The following RNF213 variants were observed in gnomAD, a reference collection of about 807,000 sequenced individuals.
RNF213 encodes ring finger protein 213, also known as E3 ubiquitin-protein ligase RNF213.
Under a neutral mutation model 514.4 loss-of-function variants are expected in RNF213, and 341 were observed. That is an observed-to-expected ratio of 0.66 (90% CI 0.61 to 0.73). The LOEUF is 0.73. RNF213 is among the 30% of genes least tolerant of loss of function. The pLI is 0.00. For missense variants in RNF213, 5,767 were observed against 6,615.6 expected, an observed-to-expected ratio of 0.87 and a Z score of 4.45; for synonymous variants, 2,655 against 2,658.2, an observed-to-expected ratio of 1.00 and a Z score of 0.04.
rs1282630958 is a variant in RNF213 at position 80,295,601 on chromosome 17, A to T, written c.1800A>T (p.Pro600=). Residue 600 remains proline, a synonymous_variant, in exon 10 of 68, where the codon CCA becomes CCT. Transcript: ENST00000582970. ...AACATCTGAAAAAACACGTGGTACC[A>T]TTGCCGGACGGAAAAAGCACGGACT... ...LWQHLKKHVV[P]LPDGKSTDFL... The T allele has an allele frequency of 1.9e-6, 3 of 1,614,202 alleles. No homozygotes were observed. The highest frequency in any genetic ancestry group is 1.7e-6 in the Non-Finnish European group (2 of 1,180,036).
At chr17:80,272,836 G>A (rs2043869883) in intron 2 of RNF213, among the ~76,000 whole-genome samples, 1 of 152,174 alleles carries the variant, frequency 6.6e-6, no homozygotes, top group Non-Finnish European at 1.5e-5. Flanking sequence ...AGACCCCTGG[G>A]CCGCCACTGG....
chr17:80,277,804 G>A (rs748901672), intron 3 of RNF213, among the ~76,000 whole-genome samples: 3 of 152,160 alleles, frequency 2.0e-5, no homozygotes, highest in Admixed American at 6.5e-5. Context: ...CGCAGACGCC[G>A]CATTCTAACC....
intron 41 of RNF213, 138 bp from the exon 42 acceptor site, chr17:80,364,295 A>G: frequency 8.4e-7 from 1 of 1,183,910 alleles, no homozygotes; most frequent in South Asian, 1.3e-5. Context: ...AGTATGTCAC[A>G]TAGGGCTTGC....
rs958992141 is a variant in RNF213 at position 80,372,384 on chromosome 17, C to T, written c.12538-137C>T. The T allele has an allele frequency of 4.3e-6, 3 of 696,784 alleles. No homozygotes were observed. In the East Asian group the frequency reaches 8.1e-5, roughly 19 times the overall value. The allele number at this position is 696,784 out of a possible 1,614,324, so 43.2% of individuals were successfully genotyped here. ...AAAGGAATGTTAGGTTTCCATAAGT[C>T]AAGAAATTTACACTGAAACCTACAG... On this transcript the variant is annotated intron_variant, in intron 47 of 67. Coordinates refer to ENST00000582970, the MANE Select transcript of RNF213 (RefSeq NM_001256071.3).
chr17:80,282,544 G>A (rs1218730685), intron 3 of RNF213, among the ~76,000 whole-genome samples: 2 of 151,776 alleles, frequency 1.3e-5, no homozygotes, highest in Admixed American at 1.3e-4. Flanking sequence ...GACTACAGGC[G>A]CCCACCACCA....
At chr17:80,329,703 T>C (rs541613352) in intron 20 of RNF213, among the ~76,000 whole-genome samples, 6 of 152,170 alleles carry the variant, frequency 3.9e-5, no homozygotes, top group South Asian at 4.2e-4. Flanking sequence ...CGGTGGTGCA[T>C]GCCTGTATTC....
In RNF213 at chr17:80,361,801, T is replaced by G. The variant is rs369215015; in HGVS notation, c.11268T>G (p.His3756Gln). Residue 3756 changes from histidine (H) to glutamine (Q), a missense_variant, in exon 39 of 68, where the codon CAT becomes CAG. By Grantham distance (24) the His-to-Gln change is conservative (BLOSUM62 0). Transcript: ENST00000582970. The stretch of plus-strand genomic sequence containing the variant: ...TGGGCAGGTTTCTTGCCCAGCTCCA[T>G]GGAGAGCCGCAGCAGGAACTTCTTC... ...TPLGRFLAQLHGEPQQELLQC... is the reference protein window; with the variant it reads ...TPLGRFLAQLQGEPQQELLQC... 6.2e-7 allele frequency: 1 copy of G among 1,613,958 alleles called. No homozygotes were observed. Among genetic ancestry groups the G allele is most frequent in the African/African-American group, 1.3e-5 (1 of 74,934 alleles).
At chr17:80,392,417 C>CA (rs1243028349) in intron 67 of RNF213, among the ~76,000 whole-genome samples, 1 of 152,138 alleles carries the variant, frequency 6.6e-6, no homozygotes, top group African/African-American at 2.4e-5. Context: ...TGTAAATAAA[C>CA]ATCACCTTGC....
rs752436489 is a variant in RNF213 at position 80,349,722 on chromosome 17, A to T, written c.9952-48A>T. On this transcript the variant is annotated intron_variant, in intron 29 of 67. Coordinates refer to ENST00000582970, the MANE Select transcript of RNF213 (RefSeq NM_001256071.3). ...GTCTAAACCTGGCAGCAGACTTGCAACCTTTCCTTGAAGTCTGGCAAGTAA... is the reference window on the plus strand; with the variant it reads ...GTCTAAACCTGGCAGCAGACTTGCATCCTTTCCTTGAAGTCTGGCAAGTAA... 5 of 1,608,328 alleles carry T rather than the reference A, an allele frequency of 3.1e-6. No homozygotes were observed. The African/African-American group carries it at 6.7e-5, about 21-fold the overall frequency.
At chr17:80,274,444 C>T (rs534261528) in intron 3 of RNF213, among the ~76,000 whole-genome samples, 4 of 148,318 alleles carry the variant, frequency 2.7e-5, no homozygotes, top group Admixed American at 6.8e-5. Context: ...TGTCAGCTCC[C>T]GGGTTTCTTG....
At chr17:80,326,396 G>A (rs1169199365) in intron 18 of RNF213, among the ~76,000 whole-genome samples, 1 of 152,224 alleles carries the variant, frequency 6.6e-6, no homozygotes, top group Non-Finnish European at 1.5e-5. Flanking sequence ...CACACGGGCA[G>A]TACCCTGTTA....
chr17:80,376,273 T>C (rs1193211542), intron 51 of RNF213, 28 bp from the exon 52 acceptor site: 6 of 1,613,538 alleles, frequency 3.7e-6, no homozygotes, highest in Non-Finnish European at 5.1e-6. Context: ...CTTTGATACA[T>C]CTTAATGTTA....
intron 3 of RNF213, among the ~76,000 whole-genome samples, chr17:80,286,677 G>A (rs1265646375): frequency 6.6e-6 from 1 of 152,130 alleles, no homozygotes. Flanking sequence ...GTATGTGGGT[G>A]CAGGAGGTGG....
chr17:80,281,602 AG>A (rs2044298455), intron 3 of RNF213, among the ~76,000 whole-genome samples: 2 of 127,132 alleles, frequency 1.6e-5, no homozygotes, highest in Admixed American at 7.9e-5. Context: ...CAACACACAC[AG>A]CCAACTCACA....
At chr17:80,272,113 G>C (rs1008551022) in intron 2 of RNF213, among the ~76,000 whole-genome samples, 3 of 150,720 alleles carry the variant, frequency 2.0e-5, no homozygotes, top group Non-Finnish European at 4.4e-5. Context: ...TGAAACCCCT[G>C]TCTCTACTAA....
In RNF213 at chr17:80,376,394, G is replaced by A. The variant is rs548217729; in HGVS notation, c.13279G>A (p.Val4427Met). ...TGCAACATCGCTCGTGGACAATTCT[G>A]TGCCATTGTTGAGGGCGGGGCCTAG... ...RFATSLVDNS[V>M]PLLRAGPSDS... Residue 4427 changes from valine (V) to methionine (M), a missense_variant, in exon 52 of 68, where the codon GTG (valine) becomes ATG (methionine). By Grantham distance (21) the Val-to-Met change is conservative. Around this residue, in one of 13 missense-constraint regions of RNF213, gnomAD observed 1,245 missense variants for 1,339.0 expected, o/e 0.93. Coordinates refer to ENST00000582970, the MANE Select transcript of RNF213 (RefSeq NM_001256071.3). 4.3e-6 allele frequency: 7 copies of A among 1,614,196 alleles called. No individual in the cohort carries two copies. The highest frequency in any genetic ancestry group is 4.0e-5 in the African/African-American group (3 of 75,038).
intron 42 of RNF213, 64 bp downstream of exon 42, chr17:80,364,617 A>T: frequency 6.2e-7 from 1 of 1,604,712 alleles, no homozygotes; most frequent in Non-Finnish European, 8.5e-7. Context: ...GAAGAACAGC[A>T]CTGACAGTGA....
chr17:80,388,606 A>T lies in RNF213; in HGVS notation c.14923-6A>T. The T allele has an allele frequency of 6.2e-7, 1 of 1,600,452 alleles. No homozygotes were observed. Among genetic ancestry groups the T allele is most frequent in the East Asian group, 2.2e-5 (1 of 44,806 alleles). On this transcript the variant is annotated splice_polypyrimidine_tract_variant and splice_region_variant and intron_variant, in intron 63 of 67. Coordinates refer to ENST00000582970, the MANE Select transcript of RNF213 (RefSeq NM_001256071.3). ...TTTTAAAAAACTTTTTTCTTTCCCA[A>T]TTTAGGGAATACCCACTCTGGTGTA... is the stretch of plus-strand genomic sequence containing the variant.
At chr17:80,354,624 A>G (rs1568120559) in intron 36 of RNF213, 48 bp downstream of exon 36, 1 of 1,609,960 alleles carries the variant, frequency 6.2e-7, no homozygotes, top group African/African-American at 1.3e-5. Flanking sequence ...TGGTGGCAGC[A>G]TGGGGACCTG....
Sources: allele counts gnomAD v4.1 joint callset (sites outside exome capture counted in the v4.1 genomes callset), GRCh38; gene constraint gnomAD v4.1.1; regional missense constraint gnomAD v4.1.1; transcripts MANE v1.5; gene names NCBI Gene and HGNC (gene_info 2026-07-23, HGNC 2026-07-21).